The following CMTM4 variants were observed in gnomAD, a reference collection of about 807,000 sequenced individuals.
CMTM4 encodes CKLF like MARVEL transmembrane domain containing 4.
In CMTM4, 8 loss-of-function variants were observed where a neutral mutation model predicts 19.0. The observed-to-expected ratio is 0.42, with a 90% CI of 0.25 to 0.76. CMTM4 has a LOEUF of 0.76. Ranked by LOEUF, CMTM4 falls within the 30% of genes least tolerant of loss-of-function variation. CMTM4 has a pLI of 0.27. For missense variants in CMTM4, 228 were observed against 290.2 expected (o/e 0.79, Z 1.56); for synonymous variants, 106 against 121.1 (o/e 0.88, Z 0.82).
chr16:66,630,548 C>T lies in CMTM4; in HGVS notation c.363+5857G>A, dbSNP rs562774952. On this transcript the variant is annotated intron_variant, in intron 2 of 3. Transcript: ENST00000394106. The stretch of plus-strand genomic sequence containing the variant: ...GGAGACGGGGTTTTGCTGTGTTGGC[C>T]GGGCTGGTCTCCAGCTCCTAACCGC... 1.4e-3 allele frequency among the ~76,000 whole-genome samples: 211 copies of T among 151,920 alleles called. 1 individual carries two copies. Among genetic ancestry groups the T allele is most frequent in the Non-Finnish European group, 2.4e-3 (163 of 67,934 alleles).
At position 66,618,837 on chromosome 16, in the gene CMTM4, G is replaced by T. The variant is rs968880755; in HGVS notation, c.*3221C>A. On this transcript the variant is annotated 3_prime_UTR_variant, in exon 4 of 4. Coordinates refer to ENST00000394106, the MANE Select transcript of CMTM4 (RefSeq NM_181521.3). ...ACATTCCCTGGCTGCCCACAGGCGT[G>T]AGCCTTCCTGCCAGGGGACAGTAAC... 8 of 985,402 alleles carry T rather than the reference G, an allele frequency of 8.1e-6. No individual in the cohort carries two copies. Among genetic ancestry groups the T allele is most frequent in the African/African-American group, 1.7e-5 (1 of 57,256 alleles). 61.0% of individuals were successfully genotyped at this position (985,402 alleles called of 1,614,324 possible).
chr16:66,647,709 C>CT (rs2016231267), intron 1 of CMTM4, among the ~76,000 whole-genome samples: 1 of 151,892 alleles, frequency 6.6e-6, no homozygotes, highest in African/African-American at 2.4e-5. Flanking sequence ...ATTGTTCTTT[C>CT]TTTTTTTAAA....
chr16:66,641,606 C>G (rs1433329559), intron 1 of CMTM4, among the ~76,000 whole-genome samples: 2 of 152,098 alleles, frequency 1.3e-5, no homozygotes, highest in Non-Finnish European at 2.9e-5. Context: ...AGAAGCGGTG[C>G]CAGGATGTAA....
intron 1 of CMTM4, among the ~76,000 whole-genome samples, chr16:66,680,519 A>T (rs1268385962): frequency 6.6e-6 from 1 of 150,646 alleles, no homozygotes; most frequent in Non-Finnish European, 1.5e-5. Context: ...TCATGCCTGT[A>T]ATCCCAGCGC....
chr16:66,683,181 G>GTATATATA (rs1555502520), intron 1 of CMTM4, among the ~76,000 whole-genome samples: 50 of 124,400 alleles, frequency 4.0e-4, no homozygotes, highest in African/African-American at 1.5e-3. Flanking sequence ...ATATACATAT[G>GTATATATA]TATATATATA....
intron 1 of CMTM4, among the ~76,000 whole-genome samples, chr16:66,689,605 C>T (rs533149628): frequency 6.6e-6 from 1 of 152,252 alleles, no homozygotes; most frequent in East Asian, 1.9e-4. Flanking sequence ...AGGGGATTCA[C>T]CATGTTGCCC....
intron 1 of CMTM4, among the ~76,000 whole-genome samples, chr16:66,686,135 C>T (rs1454020383): frequency 6.6e-6 from 1 of 152,080 alleles, no homozygotes; most frequent in East Asian, 1.9e-4. Flanking sequence ...CGCCTGTAGT[C>T]CCAGCTACTC....
intron 1 of CMTM4, among the ~76,000 whole-genome samples, chr16:66,673,502 G>A (rs79537470): frequency 4.0e-4 from 61 of 152,018 alleles, no homozygotes; most frequent in African/African-American, 1.4e-3. Flanking sequence ...CACTGCACCC[G>A]GCCCACGTTA....
intron 1 of CMTM4, among the ~76,000 whole-genome samples, chr16:66,648,024 A>C (rs2016238501): frequency 6.6e-6 from 1 of 152,234 alleles, no homozygotes; most frequent in South Asian, 2.1e-4. Flanking sequence ...AGGAGTCATT[A>C]ATGCTGGCTG....
downstream of CMTM4, chr16:66,609,935 T>G (rs755343477): frequency 6.2e-7 from 1 of 1,614,144 alleles, no homozygotes; most frequent in South Asian, 1.1e-5. This position sits in a 1 kb window ranked among gnomAD's most constrained non-coding sequence, Gnocchi z 4.4. Context: ...TACCTGATCT[T>G]TAACGACGTG....
chr16:66,601,153 G>A, the CMTM4 span, among the ~76,000 whole-genome samples: 1 of 151,826 alleles, frequency 6.6e-6, no homozygotes, highest in Non-Finnish European at 1.5e-5. Flanking sequence ...GTGGGGAGGA[G>A]ATGGAAGTGT....
chr16:66,611,456 A>G (rs1475153285), downstream of CMTM4, among the ~76,000 whole-genome samples: 1 of 152,062 alleles, frequency 6.6e-6, no homozygotes, highest in African/African-American at 2.4e-5. Flanking sequence ...CTCGGGGGGA[A>G]AAAATTGAAT....
chr16:66,626,157 A>G (rs1264240824), intron 2 of CMTM4, among the ~76,000 whole-genome samples: 1 of 152,234 alleles, frequency 6.6e-6, no homozygotes, highest in Non-Finnish European at 1.5e-5. Flanking sequence ...AAGGGAGGCC[A>G]GGCACAGCAG....
At chr16:66,682,975 T>C (rs1052305871) in intron 1 of CMTM4, among the ~76,000 whole-genome samples, 2 of 151,748 alleles carry the variant, frequency 1.3e-5, no homozygotes, top group Non-Finnish European at 2.9e-5. Flanking sequence ...CAAAAATCTG[T>C]CTCCTAAGCA....
At chr16:66,673,501 C>A (rs563188253) in intron 1 of CMTM4, among the ~76,000 whole-genome samples, 2 of 152,072 alleles carry the variant, frequency 1.3e-5, no homozygotes, top group Non-Finnish European at 2.9e-5. Flanking sequence ...CCACTGCACC[C>A]GGCCCACGTT....
chr16:66,657,548 C>G (rs959015693), intron 1 of CMTM4, among the ~76,000 whole-genome samples: 3 of 151,730 alleles, frequency 2.0e-5, no homozygotes, highest in Admixed American at 6.6e-5. Context: ...TATAAACACA[C>G]AGAGAGAGAG....
At chr16:66,667,976 T>G (rs992161505) in intron 1 of CMTM4, among the ~76,000 whole-genome samples, 4 of 125,242 alleles carry the variant, frequency 3.2e-5, no homozygotes, top group East Asian at 3.4e-4. Context: ...TGTTTTTTTG[T>G]TTTTTTTGTG....
the CMTM4 span, among the ~76,000 whole-genome samples, chr16:66,598,814 T>C: frequency 6.6e-6 from 1 of 152,244 alleles, no homozygotes; most frequent in African/African-American, 2.4e-5. Flanking sequence ...CTTCACCTGT[T>C]GATGGCCATT....
downstream of CMTM4, chr16:66,609,986 C>T (rs1298845129): frequency 5.6e-6 from 9 of 1,614,196 alleles, no homozygotes; most frequent in Non-Finnish European, 6.8e-6. This position sits in a 1 kb window ranked among gnomAD's most constrained non-coding sequence, Gnocchi z 4.4. Flanking sequence ...GATGAGACCA[C>T]AGCCCACAAG....
Sources: gnomAD v4.1 joint callset for allele counts (sites outside exome capture counted in the v4.1 genomes callset) on GRCh38, gnomAD v4.1.1 for gene constraint, Gnocchi (gnomAD v3.1) non-coding constraint, MANE v1.5 for transcripts, NCBI Gene and HGNC (gene_info 2026-07-23, HGNC 2026-07-21) for gene names.